The following DPYSL2 variants were observed in gnomAD, a reference collection of about 807,000 sequenced individuals.
DPYSL2 encodes dihydropyrimidinase like 2, also known as dihydropyrimidinase-related protein 2.
A neutral mutation model predicts 69.9 loss-of-function variants in DPYSL2; 13 were observed. That is an observed-to-expected ratio of 0.19 (90% CI 0.12 to 0.30). DPYSL2 has a LOEUF of 0.30. DPYSL2 is among the 10% of genes least tolerant of loss of function. The probability of loss-of-function intolerance (pLI) is 1.00; values close to 1 mark genes in which losing one functional copy is unlikely to be tolerated. For synonymous variants in DPYSL2, 326 were observed against 359.1 expected (o/e 0.91, Z 1.04); for missense variants, 587 against 918.9 (o/e 0.64, Z 4.67).
rs375745287 is a variant in DPYSL2 at position 26,564,639 on chromosome 8, G to C, written c.355-17330G>C. ...TGAGAACACGATTGAGGATGACCCAGGAAGCATGGCAAAGGTGGTGACAGC... is the reference window on the plus strand; with the variant it reads ...TGAGAACACGATTGAGGATGACCCACGAAGCATGGCAAAGGTGGTGACAGC... On this transcript the variant is annotated intron_variant, in intron 1 of 13. Coordinates refer to ENST00000521913, the MANE Select transcript of DPYSL2 (RefSeq NM_001197293.3). This position sits in a 1 kb window ranked among gnomAD's most constrained non-coding sequence, Gnocchi z 4.8. Among the ~76,000 whole-genome samples, 5 of 152,316 alleles carry C rather than the reference G, an allele frequency of 3.3e-5. No individual in the cohort carries two copies. Among genetic ancestry groups the C allele is most frequent in the South Asian group, 4.1e-4 (2 of 4,830 alleles).
In DPYSL2 at chr8:26,657,426, A is replaced by G. The variant is rs929146515; in HGVS notation, c.*1720A>G. 2.0e-5 allele frequency: 3 copies of G among 152,652 alleles called. No individual in the cohort carries two copies. The highest frequency in any genetic ancestry group is 2.9e-5 in the Non-Finnish European group (2 of 68,044). The allele number at this position is 152,652 out of a possible 1,614,324, so 9.5% of individuals were successfully genotyped here. A position where few individuals can be genotyped will look rare whatever the true frequency, so the allele number is the denominator to read the frequency against. On this transcript the variant is annotated 3_prime_UTR_variant, in exon 14 of 14. Coordinates refer to ENST00000521913, the MANE Select transcript of DPYSL2 (RefSeq NM_001197293.3). Reference sequence around the variant, plus strand: ...TATTTGCAGGCTTTTCTGAATACCAAATCTGCTTTTTGTAAAGCGTAAAAA... The same window carrying G: ...TATTTGCAGGCTTTTCTGAATACCAGATCTGCTTTTTGTAAAGCGTAAAAA...
At chr8:26,625,352 A>G (rs182921964) in intron 4 of DPYSL2, among the ~76,000 whole-genome samples, 2 of 152,202 alleles carry the variant, frequency 1.3e-5, no homozygotes, top group Non-Finnish European at 2.9e-5. Flanking sequence ...GGAGACTCCA[A>G]GTGGTTTAAC....
At chr8:26,602,772 T>C (rs1027983414) in intron 3 of DPYSL2, among the ~76,000 whole-genome samples, 1 of 152,250 alleles carries the variant, frequency 6.6e-6, no homozygotes, top group African/African-American at 2.4e-5. Flanking sequence ...AAAAAACTTC[T>C]TGTCTATTGG....
Position 26,654,396 on chromosome 8 carries a change from G to A in DPYSL2, c.1942+999G>A, listed in dbSNP as rs1456358095. 6.6e-6 allele frequency among the ~76,000 whole-genome samples: 1 copy of A among 151,770 alleles called. No homozygotes were observed. Among genetic ancestry groups the A allele is most frequent in the Non-Finnish European group, 1.5e-5 (1 of 67,982 alleles). ...TCCCTGGGCCACAGATTCCTATGGC[G>A]TATTAAAGAAATTGTTAAACCAGAG... is the stretch of plus-strand genomic sequence containing the variant. On this transcript the variant is annotated intron_variant, in intron 13 of 13. Transcript: ENST00000521913. The surrounding 1 kb of genome is among the most constrained non-coding windows in gnomAD (Gnocchi z 5.0).
intron 1 of DPYSL2, among the ~76,000 whole-genome samples, chr8:26,561,800 T>C (rs1024120998): frequency 6.6e-6 from 1 of 152,312 alleles, no homozygotes; most frequent in Admixed American, 6.5e-5. Context: ...TTCGAGCTCC[T>C]ATGAAGATCT....
At chr8:26,545,457 G>A (rs1331109549) in intron 1 of DPYSL2, among the ~76,000 whole-genome samples, 5 of 152,124 alleles carry the variant, frequency 3.3e-5, no homozygotes, top group Admixed American at 1.3e-4. Context: ...GTGTCTTAGC[G>A]AGGCGCAGTG....
intron 3 of DPYSL2, among the ~76,000 whole-genome samples, chr8:26,613,271 C>A (rs1317424422): frequency 6.6e-6 from 1 of 152,224 alleles, no homozygotes; most frequent in Non-Finnish European, 1.5e-5. Flanking sequence ...CTGCCTGCTC[C>A]CTGCCTCTCC....
intron 3 of DPYSL2, among the ~76,000 whole-genome samples, chr8:26,608,366 T>C (rs1388589461): frequency 6.6e-6 from 1 of 152,246 alleles, no homozygotes; most frequent in Non-Finnish European, 1.5e-5. Context: ...CTCCATTCTT[T>C]CTGGTGTTCC....
At chr8:26,616,940 C>T (rs1182015636) in intron 3 of DPYSL2, among the ~76,000 whole-genome samples, 1 of 152,200 alleles carries the variant, frequency 6.6e-6, no homozygotes, top group African/African-American at 2.4e-5. Flanking sequence ...TACACATCCT[C>T]TCCCCTCCCT....
At chr8:26,518,198 G>C (rs1808324631) in intron 1 of DPYSL2, among the ~76,000 whole-genome samples, 1 of 152,164 alleles carries the variant, frequency 6.6e-6, no homozygotes, top group African/African-American at 2.4e-5. Flanking sequence ...TGTGGTTAGT[G>C]GGGTGTGTGG....
At position 26,644,583 on chromosome 8, in the gene DPYSL2, G is replaced by T. The variant is rs1369408837; in HGVS notation, c.1425+492G>T. Among the ~76,000 whole-genome samples the T allele has an allele frequency of 1.3e-5, 2 of 152,052 alleles. No homozygotes were observed. Among genetic ancestry groups the T allele is most frequent in the East Asian group, 3.9e-4 (2 of 5,178 alleles). ...GCCTCCCAAAGTGCTGGGATTACAG[G>T]TGTGAGCCACCACGCCTGGCTTACC... On this transcript the variant is annotated intron_variant, in intron 10 of 13. Coordinates refer to ENST00000521913, the MANE Select transcript of DPYSL2 (RefSeq NM_001197293.3). This position sits in a 1 kb window ranked among gnomAD's most constrained non-coding sequence, Gnocchi z 4.5.
rs1436098716 is a variant in DPYSL2 at position 26,565,440 on chromosome 8, G to A, written c.355-16529G>A. ...GAGTAGTCCAGGAAATGGACCATGG[G>A]GGCCCAGCTGTGAATGAAGAGGTTG... On this transcript the variant is annotated intron_variant, in intron 1 of 13. Coordinates refer to ENST00000521913, the MANE Select transcript of DPYSL2 (RefSeq NM_001197293.3). This position sits in a 1 kb window ranked among gnomAD's most constrained non-coding sequence, Gnocchi z 4.1. 6.6e-6 allele frequency among the ~76,000 whole-genome samples: 1 copy of A among 152,100 alleles called. No individual in the cohort carries two copies. Among genetic ancestry groups the A allele is most frequent in the Non-Finnish European group, 1.5e-5 (1 of 68,014 alleles).
At chr8:26,602,838 C>G (rs182331839) in intron 3 of DPYSL2, among the ~76,000 whole-genome samples, 91 of 152,318 alleles carry the variant, frequency 6.0e-4, no homozygotes, top group African/African-American at 2.2e-3. Flanking sequence ...TACTAAGGTT[C>G]CAGTGGAACA....
At chr8:26,592,569 A>G (rs1350881070) in intron 3 of DPYSL2, among the ~76,000 whole-genome samples, 1 of 149,350 alleles carries the variant, frequency 6.7e-6, no homozygotes, top group Admixed American at 6.7e-5. Context: ...TCCACCTCCC[A>G]GGTACAAGCC....
chr8:26,626,540 A>T lies in DPYSL2; in HGVS notation c.794-77A>T, dbSNP rs184752320. 2,981 of 1,290,032 alleles carry T rather than the reference A, an allele frequency of 2.3e-3. 17 individuals are homozygous for T. The highest frequency in any genetic ancestry group is 3.1e-3 in the Non-Finnish European group (2,732 of 892,380). 79.9% of individuals were successfully genotyped at this position (1,290,032 alleles called of 1,614,324 possible). On this transcript the variant is annotated intron_variant, in intron 4 of 13. Coordinates refer to ENST00000521913, the MANE Select transcript of DPYSL2 (RefSeq NM_001197293.3). The surrounding 1 kb of genome is among the most constrained non-coding windows in gnomAD (Gnocchi z 4.3). ...ACACACACGTACACACACAGACAGT[A>T]TTATCACTTTCTTATCCCTTATTTG... is the stretch of plus-strand genomic sequence containing the variant.
intron 1 of DPYSL2, among the ~76,000 whole-genome samples, chr8:26,520,491 G>A (rs1348666880): frequency 1.4e-5 from 2 of 140,764 alleles, no homozygotes; most frequent in Non-Finnish European, 3.1e-5. Context: ...TTTTTTCAGT[G>A]TACTCTTTGG....
intron 3 of DPYSL2, among the ~76,000 whole-genome samples, chr8:26,604,555 G>A (rs1802066075): frequency 1.3e-5 from 2 of 152,200 alleles, no homozygotes; most frequent in Admixed American, 1.3e-4. Flanking sequence ...GGTAGCCACT[G>A]GTCTCCATGG....
chr8:26,556,135 C>CTA (rs1800952719), intron 1 of DPYSL2, among the ~76,000 whole-genome samples: 1 of 11,846 alleles, frequency 8.4e-5, no homozygotes, highest in Non-Finnish European at 1.2e-4. Flanking sequence ...ATTATATATA[C>CTA]TATATATAGT....
chr8:26,580,836 T>G lies in DPYSL2; in HGVS notation c.355-1133T>G, dbSNP rs182713991. ...CCAGGTTTAAGCCCATTCTGTATAA[T>G]ACAGGTGCATATTTACTGAACACTC... On this transcript the variant is annotated intron_variant, in intron 1 of 13. Coordinates refer to ENST00000521913, the MANE Select transcript of DPYSL2 (RefSeq NM_001197293.3). The surrounding 1 kb of genome is among the most constrained non-coding windows in gnomAD (Gnocchi z 4.1). Among the ~76,000 whole-genome samples, 1 of 152,358 alleles carries G rather than the reference T, an allele frequency of 6.6e-6. No individual in the cohort carries two copies.
Sources: gnomAD v4.1 joint callset for allele counts (sites outside exome capture counted in the v4.1 genomes callset) on GRCh38, gnomAD v4.1.1 for gene constraint, Gnocchi (gnomAD v3.1) non-coding constraint, MANE v1.5 for transcripts, NCBI Gene and HGNC (gene_info 2026-07-23, HGNC 2026-07-21) for gene names.